Variants in MAN2A1 observed in about 807,000 individuals in gnomAD.
MAN2A1 encodes mannosidase alpha class 2A member 1.
A neutral mutation model predicts 142.6 loss-of-function variants in MAN2A1; 76 were observed. The observed-to-expected ratio is 0.53, with a 90% CI of 0.44 to 0.65. The LOEUF (loss-of-function observed/expected upper bound fraction) is 0.65, where lower values mean the gene tolerates loss of function less well. Among genes scored for constraint, MAN2A1 ranks in the 30% least tolerant of loss-of-function variants. The pLI, the probability that MAN2A1 is intolerant of heterozygous loss-of-function variation, is 0.00. For synonymous variants in MAN2A1, 559 were observed against 473.2 expected (o/e 1.18, Z -2.35); for missense variants, 1,311 against 1,365.1 (o/e 0.96, Z 0.62).
intron 8 of MAN2A1, among the ~76,000 whole-genome samples, chr5:109,779,658 C>T (rs769967752): frequency 4.0e-5 from 6 of 151,728 alleles, no homozygotes; most frequent in Admixed American, 1.3e-4. Flanking sequence ...ATATTGAGTG[C>T]GTATTATTTG....
chr5:109,709,108 A>T (rs1338141805), intron 1 of MAN2A1, among the ~76,000 whole-genome samples: 3 of 152,202 alleles, frequency 2.0e-5, no homozygotes, highest in African/African-American at 7.2e-5. Flanking sequence ...GATATTCATT[A>T]ATCTAGTCAA....
intron 7 of MAN2A1, 108 bp downstream of exon 7, chr5:109,770,649 G>A: frequency 1.0e-6 from 1 of 978,712 alleles, no homozygotes; most frequent in East Asian, 2.5e-5. Flanking sequence ...CATTATCCTT[G>A]TTTGAAGTAT....
chr5:109,819,924 TATC>T, intron 14 of MAN2A1, 37 bp downstream of exon 14: 1 of 1,395,048 alleles, frequency 7.2e-7, no homozygotes. Context: ...ATAGAATGCT[TATC>T]ATTTTTGCTA....
At chr5:109,691,642 A>AACTTT (rs1317997056) in intron 1 of MAN2A1, among the ~76,000 whole-genome samples, 2 of 152,204 alleles carry the variant, frequency 1.3e-5, no homozygotes, top group East Asian at 3.8e-4. Flanking sequence ...TTAAAGTAAA[A>AACTTT]ACTTTACTGG....
At chr5:109,831,895 G>A (rs1224508866) in intron 16 of MAN2A1, among the ~76,000 whole-genome samples, 2 of 151,344 alleles carry the variant, frequency 1.3e-5, no homozygotes, top group Non-Finnish European at 2.9e-5. Context: ...CTTCTGGATT[G>A]AGATATAAAA....
At chr5:109,807,353 G>A (rs1034583752) in intron 12 of MAN2A1, among the ~76,000 whole-genome samples, 1 of 152,076 alleles carries the variant, frequency 6.6e-6, no homozygotes, top group African/African-American at 2.4e-5. Context: ...TCCTGTTGCT[G>A]CTATAATAAA....
chr5:109,843,350 A>G (rs1755262583), intron 17 of MAN2A1, among the ~76,000 whole-genome samples: 2 of 152,134 alleles, frequency 1.3e-5, no homozygotes, highest in Non-Finnish European at 2.9e-5. Context: ...CCTCACTGTC[A>G]AAAGAACACC....
intron 18 of MAN2A1, among the ~76,000 whole-genome samples, chr5:109,846,630 G>T (rs1392156688): frequency 2.6e-5 from 4 of 152,080 alleles, no homozygotes; most frequent in Non-Finnish European, 4.4e-5. Flanking sequence ...ATCATACATG[G>T]TATCATTGGT....
chr5:109,702,553 C>T (rs890037419), intron 1 of MAN2A1, among the ~76,000 whole-genome samples: 11 of 152,060 alleles, frequency 7.2e-5, no homozygotes, highest in African/African-American at 2.7e-4. Context: ...GTAGGTGACC[C>T]CATGAACTGG....
At chr5:109,731,750 G>C (rs913950784) in intron 4 of MAN2A1, among the ~76,000 whole-genome samples, 3 of 151,766 alleles carry the variant, frequency 2.0e-5, no homozygotes, top group East Asian at 1.9e-4. Flanking sequence ...TTTTCTTAAT[G>C]CAGTCTATCA....
chr5:109,711,403 C>T (rs1022341996), intron 1 of MAN2A1, among the ~76,000 whole-genome samples: 13 of 151,720 alleles, frequency 8.6e-5, no homozygotes, highest in African/African-American at 3.2e-4. Context: ...TTCAGACAGC[C>T]TTTGATAGCA....
rs553932562 is a variant in MAN2A1 at position 109,832,798 on chromosome 5, G to A, written c.2566+8961G>A. 5.3e-5 allele frequency among the ~76,000 whole-genome samples: 8 copies of A among 152,084 alleles called. No individual in the cohort carries two copies. The East Asian group carries it at 5.9e-4, about 11-fold the overall frequency. ...CCCCCACCTCCCTCCCGGACGGGGC[G>A]GCTGGCTGGGTGGGGGCTGTCCCCC... On this transcript the variant is annotated intron_variant, in intron 16 of 21. Transcript: ENST00000261483.
chr5:109,716,330 A>C, intron 3 of MAN2A1, 66 bp downstream of exon 3: 2 of 1,341,436 alleles, frequency 1.5e-6, no homozygotes, highest in Non-Finnish European at 2.0e-6. Flanking sequence ...TCTTTTAATG[A>C]GAATCTGGTA....
In MAN2A1 at chr5:109,867,008, T is replaced by A. The variant is rs192285891; in HGVS notation, c.*10T>A. 1.1e-4 allele frequency: 180 copies of A among 1,606,284 alleles called. No homozygotes were observed. In the Admixed American group the frequency reaches 3.1e-3, roughly 27 times the overall value. Reference sequence around the variant, plus strand: ...AATCCAGTTGAGGTGAACCTGACTTTCACATTTGGATTGAGAATCATTGGC... The same window carrying A: ...AATCCAGTTGAGGTGAACCTGACTTACACATTTGGATTGAGAATCATTGGC... On this transcript the variant is annotated 3_prime_UTR_variant, in exon 22 of 22. Transcript: ENST00000261483.
chr5:109,780,040 C>G (rs1482712956), intron 8 of MAN2A1, among the ~76,000 whole-genome samples: 2 of 151,956 alleles, frequency 1.3e-5, no homozygotes, highest in Admixed American at 6.6e-5. Flanking sequence ...CCATTATTGG[C>G]CAGTCATGGT....
chr5:109,774,745 C>A, intron 7 of MAN2A1, 43 bp from the exon 8 acceptor site: 2 of 1,475,908 alleles, frequency 1.4e-6, no homozygotes, highest in South Asian at 1.3e-5. Context: ...TTTTCTTAGT[C>A]AAATTCATAT....
rs1755940317 is a variant in MAN2A1 at position 109,868,735 on chromosome 5, C to T, written c.*1737C>T. On this transcript the variant is annotated 3_prime_UTR_variant, in exon 22 of 22. Coordinates refer to ENST00000261483, the MANE Select transcript of MAN2A1 (RefSeq NM_002372.4). ...AACATGTACCGTAAGTTTTCTTCCACATATTTTGGGAAAAAACTAAAAAAA... is the reference window on the plus strand; with the variant it reads ...AACATGTACCGTAAGTTTTCTTCCATATATTTTGGGAAAAAACTAAAAAAA... 6.6e-6 allele frequency: 1 copy of T among 152,112 alleles called. No individual in the cohort carries two copies. Among genetic ancestry groups the T allele is most frequent in the Non-Finnish European group, 1.5e-5 (1 of 68,010 alleles). 9.4% of individuals were successfully genotyped at this position (152,112 alleles called of 1,614,324 possible). A position where few individuals can be genotyped will look rare whatever the true frequency, so the allele number is the denominator to read the frequency against.
chr5:109,735,492 A>G (rs1159493705), intron 4 of MAN2A1, among the ~76,000 whole-genome samples: 3 of 152,036 alleles, frequency 2.0e-5, no homozygotes, highest in South Asian at 2.1e-4. Flanking sequence ...ATTTGGCATG[A>G]TTTTGCAGTG....
intron 12 of MAN2A1, among the ~76,000 whole-genome samples, chr5:109,802,082 T>C (rs1419358414): frequency 6.6e-6 from 1 of 152,198 alleles, no homozygotes; most frequent in East Asian, 1.9e-4. Flanking sequence ...TGTACTGGTA[T>C]GTGTTCATAT....
Sources: allele counts gnomAD v4.1 joint callset (sites outside exome capture counted in the v4.1 genomes callset), GRCh38; gene constraint gnomAD v4.1.1; transcripts MANE v1.5; gene names NCBI Gene and HGNC (gene_info 2026-07-23, HGNC 2026-07-21).